BICC1: variants seen among roughly 807,000 people sequenced by gnomAD.
The protein encoded by BICC1 is protein bicaudal C homolog 1.
Under a neutral mutation model 111.0 loss-of-function variants are expected in BICC1, and 43 were observed. That is an observed-to-expected ratio of 0.39 (90% CI 0.30 to 0.50). The LOEUF (loss-of-function observed/expected upper bound fraction) is 0.50. Ranked by LOEUF, BICC1 falls within the 20% of genes least tolerant of loss-of-function variation. The probability of loss-of-function intolerance (pLI) is 0.88; values close to 1 mark genes in which losing one functional copy is unlikely to be tolerated. For missense variants in BICC1, 1,091 were observed against 1,203.2 expected, an observed-to-expected ratio of 0.91 and a Z score of 1.38; for synonymous variants, 467 against 434.4, an observed-to-expected ratio of 1.07 and a Z score of -0.93.
At chr10:58,531,921 G>C (rs1842691389) in intron 1 of BICC1, among the ~76,000 whole-genome samples, 1 of 151,706 alleles carries the variant, frequency 6.6e-6, no homozygotes, top group African/African-American at 2.4e-5. Flanking sequence ...AAAGCCTAAG[G>C]GACTTATGGG....
intron 2 of BICC1, chr10:58,648,439 G>A: frequency 3.4e-6 from 3 of 883,160 alleles, no homozygotes; most frequent in Non-Finnish European, 4.1e-6. Flanking sequence ...GCCAAAAAAG[G>A]CATTTATTAT....
At position 58,829,173 on chromosome 10, in the gene BICC1, A is replaced by G. The variant is rs1844485950; in HGVS notation, c.*282A>G. The G allele has an allele frequency of 1.0e-5, 2 of 194,312 alleles. No individual in the cohort carries two copies. Among genetic ancestry groups the G allele is most frequent in the Non-Finnish European group, 1.9e-5 (2 of 104,334 alleles). 12.0% of individuals were successfully genotyped at this position (194,312 alleles called of 1,614,324 possible). ...TTATTTCCTGTTTTTATTTACCTAT[A>G]TAACATATGCACTGATGATTTTTTT... is the stretch of plus-strand genomic sequence containing the variant. On this transcript the variant is annotated 3_prime_UTR_variant, in exon 21 of 21. Coordinates refer to ENST00000373886, the MANE Select transcript of BICC1 (RefSeq NM_001080512.3).
chr10:58,649,007 A>G (rs1180584878), intron 2 of BICC1, among the ~76,000 whole-genome samples: 1 of 152,190 alleles, frequency 6.6e-6, no homozygotes, highest in Non-Finnish European at 1.5e-5. Flanking sequence ...AACTTCTCTA[A>G]TAACAACAGC....
chr10:58,699,386 T>C (rs7912418), intron 2 of BICC1, among the ~76,000 whole-genome samples: 2,376 of 152,320 alleles, frequency 0.016, 62 homozygotes, highest in African/African-American at 0.055. Context: ...TACCTGCTGC[T>C]CTTAGGATAT....
chr10:58,562,784 C>T (rs976172875), intron 1 of BICC1, among the ~76,000 whole-genome samples: 3 of 151,166 alleles, frequency 2.0e-5, no homozygotes, highest in Non-Finnish European at 4.4e-5. Flanking sequence ...TCTTGTAGTG[C>T]TGGTTTGGTA....
chr10:58,704,909 C>G (rs1840345745), intron 3 of BICC1, among the ~76,000 whole-genome samples: 1 of 152,190 alleles, frequency 6.6e-6, no homozygotes, highest in African/African-American at 2.4e-5. Context: ...ACAGTTTGCC[C>G]CCTTCTTTAC....
chr10:58,707,719 T>C (rs1840430507), intron 3 of BICC1, among the ~76,000 whole-genome samples: 1 of 151,660 alleles, frequency 6.6e-6, no homozygotes. Context: ...TTATTTGAGA[T>C]GGAGTTTTGC....
chr10:58,552,476 C>T (rs1441320834), intron 1 of BICC1, among the ~76,000 whole-genome samples: 2 of 152,012 alleles, frequency 1.3e-5, no homozygotes, highest in Non-Finnish European at 1.5e-5. Flanking sequence ...GCTGGGACTA[C>T]AGGTGCCCGC....
chr10:58,573,317 C>G (rs1235828196), intron 1 of BICC1, among the ~76,000 whole-genome samples: 1 of 152,146 alleles, frequency 6.6e-6, no homozygotes, highest in Non-Finnish European at 1.5e-5. Context: ...CCAACACAAA[C>G]TCCAATCTGG....
At chr10:58,612,806 T>A (rs1845474943) in intron 1 of BICC1, among the ~76,000 whole-genome samples, 1 of 152,182 alleles carries the variant, frequency 6.6e-6, no homozygotes, top group Admixed American at 6.5e-5. Context: ...GTTTTTAGAG[T>A]TGGCTCCATA....
chr10:58,788,021 A>G (rs972714336), intron 5 of BICC1, among the ~76,000 whole-genome samples: 6 of 152,068 alleles, frequency 3.9e-5, no homozygotes, highest in African/African-American at 1.2e-4. Context: ...TTGAATATTG[A>G]TAAGTATCTG....
intron 3 of BICC1, among the ~76,000 whole-genome samples, chr10:58,724,397 G>A (rs1207650971): frequency 1.3e-5 from 2 of 152,068 alleles, no homozygotes; most frequent in Non-Finnish European, 2.9e-5. Flanking sequence ...GTGTGTATAT[G>A]TGTGTATGTG....
chr10:58,786,889 A>T, intron 4 of BICC1, 34 bp from the exon 5 acceptor site: 2 of 1,484,852 alleles, frequency 1.3e-6, no homozygotes, highest in Non-Finnish European at 1.8e-6. Context: ...TTCCTTTTGC[A>T]TACATCAAGT....
At chr10:58,517,097 A>G (rs970715678) in intron 1 of BICC1, among the ~76,000 whole-genome samples, 2 of 152,214 alleles carry the variant, frequency 1.3e-5, no homozygotes, top group Admixed American at 1.3e-4. Context: ...TTTAAAAAAA[A>G]TTTCCCATAT....
At position 58,663,337 on chromosome 10, in the gene BICC1, G is replaced by A. The variant is rs540727967; in HGVS notation, c.238-38737G>A. Reference sequence around the variant, plus strand: ...CCACCTCGGCCTCCCAAAGTGCTGGGGTTACAGGTGTGAATCACCACATCC... The same window carrying A: ...CCACCTCGGCCTCCCAAAGTGCTGGAGTTACAGGTGTGAATCACCACATCC... On this transcript the variant is annotated intron_variant, in intron 2 of 20. Transcript: ENST00000373886. Among the ~76,000 whole-genome samples, 4 of 152,102 alleles carry A rather than the reference G, an allele frequency of 2.6e-5. No homozygotes were observed. In the East Asian group the frequency reaches 7.7e-4, roughly 29 times the overall value.
intron 1 of BICC1, among the ~76,000 whole-genome samples, chr10:58,564,638 C>A (rs1309795159): frequency 6.6e-6 from 1 of 152,150 alleles, no homozygotes; most frequent in Non-Finnish European, 1.5e-5. Flanking sequence ...GGTCAGTGTA[C>A]CATCATCCAG....
chr10:58,568,307 GT>G (rs1843834668), intron 1 of BICC1, among the ~76,000 whole-genome samples: 1 of 152,154 alleles, frequency 6.6e-6, no homozygotes, highest in African/African-American at 2.4e-5. Flanking sequence ...CAGATGCCAA[GT>G]AGAGCCCTAG....
intron 1 of BICC1, among the ~76,000 whole-genome samples, chr10:58,613,036 T>G (rs560516613): frequency 6.6e-6 from 1 of 152,326 alleles, no homozygotes; most frequent in East Asian, 1.9e-4. Context: ...ATCCCATATT[T>G]CTTGTGAAGC....
At chr10:58,777,994 G>C (rs997467341) in intron 3 of BICC1, among the ~76,000 whole-genome samples, 2 of 152,002 alleles carry the variant, frequency 1.3e-5, no homozygotes, top group African/African-American at 4.8e-5. Context: ...CCGAGTCAAT[G>C]GGTTTCTTGA....
Sources: gnomAD v4.1 joint callset for allele counts (sites outside exome capture counted in the v4.1 genomes callset) on GRCh38, gnomAD v4.1.1 for gene constraint, MANE v1.5 for transcripts, NCBI Gene and HGNC (gene_info 2026-07-23, HGNC 2026-07-21) for gene names.